The following MARCHF1 variants were observed in gnomAD, a reference collection of about 807,000 sequenced individuals.
MARCHF1 encodes the protein E3 ubiquitin-protein ligase MARCHF1.
A neutral mutation model predicts 54.2 loss-of-function variants in MARCHF1; 40 were observed. The ratio of observed to expected loss-of-function variants is 0.74; its 90% CI spans 0.57 to 0.96. MARCHF1 has a LOEUF of 0.96. Ranked by LOEUF, MARCHF1 falls within the 40% of genes least tolerant of loss-of-function variation. The pLI, the probability that MARCHF1 is intolerant of heterozygous loss-of-function variation, is 0.00. For synonymous variants in MARCHF1, 236 were observed against 236.3 expected, an observed-to-expected ratio of 1.00 and a Z score of 0.01; for missense variants, 586 against 656.5, an observed-to-expected ratio of 0.89 and a Z score of 1.17.
chr4:164,225,457 G>C (rs1732225798), intron 1 of MARCHF1, among the ~76,000 whole-genome samples: 1 of 151,972 alleles, frequency 6.6e-6, no homozygotes. Context: ...GGGTTGAGGG[G>C]AGATAACTGA....
intron 1 of MARCHF1, among the ~76,000 whole-genome samples, chr4:164,237,091 C>T (rs1043207930): frequency 6.6e-6 from 1 of 152,142 alleles, no homozygotes; most frequent in Non-Finnish European, 1.5e-5. Context: ...GCACACTTTT[C>T]CTTGACCATG....
intron 2 of MARCHF1, among the ~76,000 whole-genome samples, chr4:164,043,445 G>C (rs1198193592): frequency 6.6e-6 from 1 of 152,120 alleles, no homozygotes; most frequent in Non-Finnish European, 1.5e-5. Context: ...GCCACAGCTG[G>C]AGCTGGAGCA....
At chr4:163,896,040 T>C (rs904416377) in intron 3 of MARCHF1, among the ~76,000 whole-genome samples, 7 of 152,218 alleles carry the variant, frequency 4.6e-5, no homozygotes, top group African/African-American at 1.7e-4. Flanking sequence ...AAAAATGATA[T>C]TCTAAAACCA....
At chr4:163,959,950 A>C (rs1324944804) in intron 3 of MARCHF1, among the ~76,000 whole-genome samples, 1 of 152,012 alleles carries the variant, frequency 6.6e-6, no homozygotes, top group African/African-American at 2.4e-5. Context: ...ATGTATAAGG[A>C]ACAAATTTAT....
chr4:164,011,943 G>T (rs1471579792), intron 2 of MARCHF1, among the ~76,000 whole-genome samples: 1 of 152,044 alleles, frequency 6.6e-6, no homozygotes, highest in Non-Finnish European at 1.5e-5. Flanking sequence ...CACTATATTG[G>T]AACTCACTTC....
chr4:163,678,985 C>T (rs1047503549), intron 5 of MARCHF1, among the ~76,000 whole-genome samples: 4 of 152,120 alleles, frequency 2.6e-5, no homozygotes, highest in Admixed American at 1.3e-4. Flanking sequence ...CATGAACTAA[C>T]GAGATGTATA....
At chr4:163,980,480 C>G (rs1752739608) in intron 3 of MARCHF1, among the ~76,000 whole-genome samples, 1 of 151,482 alleles carries the variant, frequency 6.6e-6, no homozygotes, top group South Asian at 2.1e-4. Context: ...GTCCAAAACA[C>G]CAAAAGCAAT....
intron 1 of MARCHF1, among the ~76,000 whole-genome samples, chr4:164,287,784 T>A (rs1433496066): frequency 1.3e-5 from 2 of 152,054 alleles, no homozygotes; most frequent in East Asian, 1.9e-4. Flanking sequence ...TTCTTTAGAA[T>A]CGAATAGTTA....
intron 9 of MARCHF1, among the ~76,000 whole-genome samples, chr4:163,537,432 A>G (rs1022007681): frequency 6.6e-6 from 1 of 152,186 alleles, no homozygotes; most frequent in Non-Finnish European, 1.5e-5. Flanking sequence ...TCAGTCATAT[A>G]TAAAGCTGTA....
chr4:163,866,466 T>TTTTATATATATATATATATATATATA, intron 3 of MARCHF1, among the ~76,000 whole-genome samples: 1 of 124,402 alleles, frequency 8.0e-6, no homozygotes, highest in East Asian at 2.5e-4. Flanking sequence ...AAAGCTGTAG[T>TTTTATATATATATATATATATATATA]TATATATATA....
chr4:163,674,439 A>G (rs1743841377), intron 5 of MARCHF1, among the ~76,000 whole-genome samples: 1 of 152,198 alleles, frequency 6.6e-6, no homozygotes, highest in Non-Finnish European at 1.5e-5. Context: ...CTTCCTTTCT[A>G]AATCGCCTGG....
chr4:164,105,996 C>T (rs1398244895), intron 2 of MARCHF1, among the ~76,000 whole-genome samples: 1 of 149,136 alleles, frequency 6.7e-6, no homozygotes, highest in South Asian at 2.1e-4. Context: ...ATTTATGCAG[C>T]CAAAAGACAC....
At chr4:164,294,155 G>T (rs764829130) in intron 1 of MARCHF1, among the ~76,000 whole-genome samples, 35 of 152,312 alleles carry the variant, frequency 2.3e-4, no homozygotes, top group Non-Finnish European at 4.1e-4. Context: ...TTTGCCAGGG[G>T]CCCTTAGGCC....
chr4:163,774,365 T>G (rs1282047797), intron 4 of MARCHF1, among the ~76,000 whole-genome samples: 1 of 152,142 alleles, frequency 6.6e-6, no homozygotes, highest in Admixed American at 6.6e-5. Context: ...CATAATGAAG[T>G]GATTATCTTT....
intron 2 of MARCHF1, among the ~76,000 whole-genome samples, chr4:163,993,957 T>C (rs1242519405): frequency 6.6e-6 from 1 of 152,136 alleles, no homozygotes; most frequent in African/African-American, 2.4e-5. Flanking sequence ...AAAACAAGAT[T>C]TATTTTGGCA....
At position 164,169,882 on chromosome 4, in the gene MARCHF1, G is replaced by GA. The variant is rs1199169928; in HGVS notation, c.-322-58221dup. On this transcript the variant is annotated intron_variant, in intron 1 of 9. Transcript: ENST00000514618. The stretch of plus-strand genomic sequence containing the variant: ...ATCTTCAGCCAGAAAACACAACCAA[G>GA]AGATTTAAATCCACTTGGTGAATTA... 1.2e-4 allele frequency among the ~76,000 whole-genome samples: 19 copies of GA among 152,150 alleles called. No homozygotes were observed. In the East Asian group the frequency reaches 3.5e-3, roughly 28 times the overall value.
At chr4:164,357,707 A>C (rs1404913636) in intron 1 of MARCHF1, among the ~76,000 whole-genome samples, 1 of 152,192 alleles carries the variant, frequency 6.6e-6, no homozygotes, top group African/African-American at 2.4e-5. Flanking sequence ...TATAATGATG[A>C]AGGCATTGTA....
intron 3 of MARCHF1, among the ~76,000 whole-genome samples, chr4:163,866,840 A>G (rs552155398): frequency 6.6e-6 from 1 of 151,994 alleles, no homozygotes; most frequent in Admixed American, 6.6e-5. Flanking sequence ...ACCCAAAGAA[A>G]AGACATAAGG....
At chr4:163,648,441 TACTG>T (rs1239849925) in intron 5 of MARCHF1, among the ~76,000 whole-genome samples, 1 of 138,704 alleles carries the variant, frequency 7.2e-6, no homozygotes, top group Non-Finnish European at 1.7e-5. Flanking sequence ...TTTTAAGACA[TACTG>T]ACTGTTTCTT....
Sources: allele counts gnomAD v4.1 joint callset (sites outside exome capture counted in the v4.1 genomes callset), GRCh38; gene constraint gnomAD v4.1.1; transcripts MANE v1.5; gene names NCBI Gene and HGNC (gene_info 2026-07-23, HGNC 2026-07-21).